IL10RA: variants seen among roughly 807,000 people sequenced by gnomAD.
The protein encoded by IL10RA is interleukin 10 receptor subunit alpha, also known as interleukin-10 receptor subunit alpha.
Under a neutral mutation model 29.6 loss-of-function variants are expected in IL10RA, and 18 were observed. That is an observed-to-expected ratio of 0.61 (90% CI 0.42 to 0.90). The LOEUF (loss-of-function observed/expected upper bound fraction) is 0.90. Ranked by LOEUF, IL10RA falls within the 40% of genes least tolerant of loss-of-function variation. The pLI, the probability that IL10RA is intolerant of heterozygous loss-of-function variation, is 0.00. For missense variants in IL10RA, 634 were observed against 716.6 expected (o/e 0.88, Z 1.32); for synonymous variants, 292 against 294.1 (o/e 0.99, Z 0.07).
At chr11:117,988,570 A>G in intron 2 of IL10RA, 68 bp downstream of exon 2, 2 of 1,577,896 alleles carry the variant, frequency 1.3e-6, no homozygotes, top group Non-Finnish European at 1.7e-6. Flanking sequence ...CTCTCCTAGC[A>G]TGGGAAGATA....
At chr11:117,990,426 G>T (rs891969849) in intron 3 of IL10RA, among the ~76,000 whole-genome samples, 9 of 151,658 alleles carry the variant, frequency 5.9e-5, no homozygotes, top group Admixed American at 2.6e-4. Flanking sequence ...AGACATTTTT[G>T]AGGAAATCAC....
Position 117,988,511 on chromosome 11 carries a change from A to G in IL10RA, c.188+9A>G. On this transcript the variant is annotated intron_variant, in intron 2 of 6. Transcript: ENST00000227752. ...GAAGTGGCGCTCCTGAGGTGAGGAA[A>G]AGGGAAGAGGGAGGGGGAGGGAGGA... 6.2e-7 allele frequency: 1 copy of G among 1,613,970 alleles called. No individual in the cohort carries two copies. The highest frequency in any genetic ancestry group is 8.5e-7 in the Non-Finnish European group (1 of 1,179,876).
chr11:117,990,777 A>G (rs1248033613), intron 3 of IL10RA, among the ~76,000 whole-genome samples: 1 of 152,246 alleles, frequency 6.6e-6, no homozygotes, highest in Non-Finnish European at 1.5e-5. Context: ...AATTTATCAC[A>G]TTAACCATTT....
rs981703457 is a variant in IL10RA, at chr11:117,989,219, A to G, written c.189-223A>G. On this transcript the variant is annotated intron_variant, in intron 2 of 6. Coordinates refer to ENST00000227752, the MANE Select transcript of IL10RA (RefSeq NM_001558.4). This position sits in a 1 kb window ranked among gnomAD's most constrained non-coding sequence, Gnocchi z 4.5. ...TTCTGGAAGAGCTGGGCCTACTCGT[A>G]TTCCTATCTAAAAATCTGCTAGACC... Among the ~76,000 whole-genome samples, 3 of 152,234 alleles carry G rather than the reference A, an allele frequency of 2.0e-5. No individual in the cohort carries two copies. The highest frequency in any genetic ancestry group is 7.2e-5 in the African/African-American group (3 of 41,470).
rs758482673 is a variant in IL10RA, at chr11:117,999,709, C to T, written c.*68C>T. Reference sequence around the variant, plus strand: ...CTCTGCCTGGACCAGGAGGAGGGCCCCTGGGGCAGAAGTTAGGCACGAGGC... The same window carrying T: ...CTCTGCCTGGACCAGGAGGAGGGCCTCTGGGGCAGAAGTTAGGCACGAGGC... On this transcript the variant is annotated 3_prime_UTR_variant, in exon 7 of 7. Coordinates refer to ENST00000227752, the MANE Select transcript of IL10RA (RefSeq NM_001558.4). The T allele has an allele frequency of 1.4e-6, 2 of 1,431,900 alleles. No individual in the cohort carries two copies. Among genetic ancestry groups the T allele is most frequent in the East Asian group, 2.3e-5 (1 of 43,908 alleles). 88.7% of individuals were successfully genotyped at this position (1,431,900 alleles called of 1,614,324 possible).
Position 117,999,312 on chromosome 11 carries a change from A to C in IL10RA, c.1408A>C (p.Thr470Pro), listed in dbSNP as rs528243258. 1 of 1,614,202 alleles carries C rather than the reference A, an allele frequency of 6.2e-7. No homozygotes were observed. The highest frequency in any genetic ancestry group is 1.1e-5 in the South Asian group (1 of 91,090). ...CTGCCTGGAGGAAGAATCGCCCTTG[A>C]CAGATGGCCTTGGCCCCAAATTCGG... ...TGCLEEESPLTDGLGPKFGRC... is the reference protein window; with the variant it reads ...TGCLEEESPLPDGLGPKFGRC... Residue 470 changes from threonine to proline, a missense_variant, in exon 7 of 7, where the codon ACA becomes CCA. Physicochemically the swap from Thr to Pro is conservative, Grantham distance 38 (BLOSUM62 -1). Coordinates refer to ENST00000227752, the MANE Select transcript of IL10RA (RefSeq NM_001558.4).
rs1231776136 is a variant in IL10RA, at chr11:117,995,602, C to T, written c.702C>T (p.Thr234=). The T allele has an allele frequency of 1.9e-6, 3 of 1,614,168 alleles. No homozygotes were observed. The highest frequency in any genetic ancestry group is 4.5e-5 in the East Asian group (2 of 44,886). ...CTGGGCCTGCAGATTTCACCGTGAC[C>T]AACGTCATCATCTTCTTTGCCTTTG... ...ISLTRQYFTV[T]NVIIFFAFVL... is the part of the protein sequence containing the mutation. Residue 234 remains threonine, a synonymous_variant, in exon 6 of 7, where the codon ACC becomes ACT. Transcript: ENST00000227752.
At chr11:117,993,114 T>C (rs2508450) in intron 3 of IL10RA, 127 bp from the exon 4 acceptor site, 468,607 of 821,792 alleles carry the variant, frequency 0.57, 138,644 homozygotes, top group East Asian at 0.91. Flanking sequence ...TTGACAAACC[T>C]GTGGCCAAGT....
Position 117,989,563 on chromosome 11 carries a change from G to A in IL10RA, c.310G>A (p.Asp104Asn). The A allele has an allele frequency of 6.2e-7, 1 of 1,614,138 alleles. No homozygotes were observed. Among genetic ancestry groups the A allele is most frequent in the African/African-American group, 1.3e-5 (1 of 75,048 alleles). Reference sequence around the variant, plus strand: ...CTACCGGGCCAGAGTGCGGGCTGTGGACGGCAGCCGGCACTCCAACTGGAC... The same window carrying A: ...CTACCGGGCCAGAGTGCGGGCTGTGAACGGCAGCCGGCACTCCAACTGGAC... ...NGYRARVRAV[D>N]GSRHSNWTVT... Residue 104 changes from aspartate to asparagine, a missense_variant, in exon 3 of 7, where the codon GAC (aspartate) becomes AAC (asparagine). Transcript: ENST00000227752. The surrounding 1 kb of genome is among the most constrained non-coding windows in gnomAD (Gnocchi z 4.5).
intron 6 of IL10RA, 66 bp from the exon 7 acceptor site, chr11:117,998,649 C>T (rs1369166448): frequency 1.0e-5 from 15 of 1,430,138 alleles, no homozygotes; most frequent in Admixed American, 8.4e-5. Context: ...TGGCCTTCCC[C>T]GGCAGCACTG....
chr11:117,997,763 A>C (rs1416873263), intron 6 of IL10RA, among the ~76,000 whole-genome samples: 1 of 152,216 alleles, frequency 6.6e-6, no homozygotes, highest in African/African-American at 2.4e-5. Flanking sequence ...CAAGTAAAAT[A>C]ATTCTAGGAA....
chr11:118,002,394 TTGACTAATATCACGCCA>T (rs2135002043), downstream of IL10RA: 1 of 152,376 alleles, frequency 6.6e-6, no homozygotes, highest in African/African-American at 2.4e-5. Flanking sequence ...TTCAGAGAAC[TTGACTAATATCACGCCA>T]TTTCAGACCT....
At chr11:117,998,620 C>G in intron 6 of IL10RA, 95 bp from the exon 7 acceptor site, 4 of 1,010,416 alleles carry the variant, frequency 4.0e-6, no homozygotes, top group Non-Finnish European at 6.2e-6. Context: ...TCTCCTCCAT[C>G]GAGCTCTCCT....
intron 3 of IL10RA, 53 bp from the exon 4 acceptor site, chr11:117,993,188 C>A: frequency 6.5e-7 from 1 of 1,537,526 alleles, no homozygotes; most frequent in South Asian, 1.1e-5. Flanking sequence ...ACACCCAGGC[C>A]CTCCTCAGCC....
chr11:117,986,749 G>A (rs1367226773), intron 1 of IL10RA: 1 of 1,532,722 alleles, frequency 6.5e-7, no homozygotes, highest in South Asian at 1.2e-5. Flanking sequence ...GAAGGATAGA[G>A]AAGTATGCGC....
chr11:118,002,265 T>C (rs373089433), downstream of IL10RA: 11 of 152,220 alleles, frequency 7.2e-5, no homozygotes, highest in African/African-American at 2.7e-4. Flanking sequence ...CCTACCTGAA[T>C]CCCCTAGAAG....
chr11:117,995,206 T>C, intron 5 of IL10RA: 1 of 347,412 alleles, frequency 2.9e-6, no homozygotes, highest in Non-Finnish European at 5.6e-6. Flanking sequence ...TCTGACAGAG[T>C]AATTAATTTG....
chr11:117,988,133 C>A, intron 1 of IL10RA: 1 of 549,728 alleles, frequency 1.8e-6, no homozygotes, highest in Non-Finnish European at 3.3e-6. Context: ...AGGCATCAGA[C>A]TCAGCTTGGC....
intron 4 of IL10RA, 122 bp from the exon 5 acceptor site, chr11:117,993,877 C>T (rs1324660415): frequency 1.0e-5 from 8 of 776,372 alleles, no homozygotes; most frequent in South Asian, 1.5e-5. Context: ...TGGGGTTTGT[C>T]ATCTTAGACA....
Sources: allele counts gnomAD v4.1 joint callset (sites outside exome capture counted in the v4.1 genomes callset), GRCh38; gene constraint gnomAD v4.1.1; non-coding constraint Gnocchi (gnomAD v3.1); transcripts MANE v1.5; gene names NCBI Gene and HGNC (gene_info 2026-07-23, HGNC 2026-07-21).